LDB3: variants seen among roughly 807,000 people sequenced by gnomAD.
LDB3 encodes LIM domain binding 3, also known as LIM domain-binding protein 3.
Under a neutral mutation model 69.0 loss-of-function variants are expected in LDB3, and 49 were observed. The observed-to-expected ratio is 0.71, with a 90% CI of 0.56 to 0.90. The LOEUF is 0.90. Ranked by LOEUF, LDB3 falls within the 40% of genes least tolerant of loss-of-function variation. LDB3 has a pLI of 0.00. For synonymous variants in LDB3, 387 were observed against 396.2 expected (o/e 0.98, Z 0.28); for missense variants, 928 against 974.1 (o/e 0.95, Z 0.63).
At position 86,732,905 on chromosome 10, in the gene LDB3, G is replaced by T; in HGVS notation, c.2113G>T (p.Glu705Ter). 1.2e-6 allele frequency: 2 copies of T among 1,613,816 alleles called. No individual in the cohort carries two copies. The highest frequency in any genetic ancestry group is 1.7e-6 in the Non-Finnish European group (2 of 1,179,874). The change falls in exon 14 of 14, where the codon GAG (glutamate) becomes TAG (stop). Residue 705 changes from glutamate to a stop codon, truncating the protein, a stop_gained. Coordinates refer to ENST00000361373, the MANE Select transcript of LDB3 (RefSeq NM_007078.3). LOFTEE classifies it high-confidence loss of function. Reference protein sequence around the residue: ...FICAVCHVNLEGQPFYSKKDR... With the variant: ...FICAVCHVNL ...GCTCCAGGTCTGCCATGTGAATCTG[G>T]AGGGGCAGCCGTTCTACTCCAAGAA...
intron 12 of LDB3, 52 bp downstream of exon 12, chr10:86,718,899 G>C (rs1297595493): frequency 6.2e-7 from 1 of 1,610,916 alleles, no homozygotes; most frequent in East Asian, 2.2e-5. Flanking sequence ...GGGAGAAAGG[G>C]GCAGGCACAG....
At chr10:86,683,768 C>T (rs947243213) in intron 5 of LDB3, among the ~76,000 whole-genome samples, 12 of 152,202 alleles carry the variant, frequency 7.9e-5, no homozygotes, top group African/African-American at 2.9e-4. Context: ...GGGCTGAGGC[C>T]ACCACCTATG....
chr10:86,703,210 AG>A (rs1470375065), intron 7 of LDB3, among the ~76,000 whole-genome samples: 1 of 152,200 alleles, frequency 6.6e-6, no homozygotes, highest in East Asian at 1.9e-4. Context: ...AGTGTGGTGT[AG>A]GGCCATGGAG....
chr10:86,668,714 C>A lies in LDB3; in HGVS notation c.23C>A (p.Thr8Asn), dbSNP rs1060501317. Residue 8 changes from threonine to asparagine, a missense_variant, in exon 2 of 14, where the codon ACT becomes AAT. Transcript: ENST00000361373. Reference protein sequence around the residue: MSYSVTLTGPGPWGFRLQ... With the variant: MSYSVTLNGPGPWGFRLQ... Reference sequence around the variant, plus strand: ...AGCATGTCTTACAGTGTGACCCTGACTGGGCCCGGGCCCTGGGGCTTCCGT... The same window carrying A: ...AGCATGTCTTACAGTGTGACCCTGAATGGGCCCGGGCCCTGGGGCTTCCGT... The A allele has an allele frequency of 6.2e-7, 1 of 1,613,434 alleles. No homozygotes were observed. The highest frequency in any genetic ancestry group is 1.7e-5 in the Admixed American group (1 of 60,022).
At chr10:86,703,450 G>A (rs576377788) in intron 7 of LDB3, among the ~76,000 whole-genome samples, 2 of 152,372 alleles carry the variant, frequency 1.3e-5, no homozygotes, top group South Asian at 4.1e-4. Context: ...TGCAAGCTGG[G>A]CTGCCCAAGA....
Position 86,679,410 on chromosome 10 carries a change from G to A in LDB3, c.137G>A (p.Gly46Asp). ...SKAAQSQLSQ[G>D]DLVVAIDGVN... ...GCAGCCCAGTCCCAGCTCAGCCAGG[G>A]TGACCTCGTGGTGGCCATTGACGGC... Residue 46 changes from glycine (G) to aspartate (D), a missense_variant, in exon 3 of 14, where the codon GGT becomes GAT. Coordinates refer to ENST00000361373, the MANE Select transcript of LDB3 (RefSeq NM_007078.3). The A allele has an allele frequency of 6.2e-7, 1 of 1,614,162 alleles. No individual in the cohort carries two copies. The highest frequency in any genetic ancestry group is 1.6e-4 in the Middle Eastern group (1 of 6,062).
At chr10:86,712,095 G>A (rs898972294) in intron 9 of LDB3, among the ~76,000 whole-genome samples, 11 of 152,102 alleles carry the variant, frequency 7.2e-5, no homozygotes, top group Non-Finnish European at 1.5e-4. Flanking sequence ...TGAGGGCTGC[G>A]AAGCGCCACT....
In LDB3 at chr10:86,733,434, T is replaced by G. The variant is rs1221907207; in HGVS notation, c.*458T>G. ...TGCAGGGTATTTTTAGAGTCATAGC[T>G]GAGAGCTTGTTAGCTAAGACCCATT... On this transcript the variant is annotated 3_prime_UTR_variant, in exon 14 of 14. Coordinates refer to ENST00000361373, the MANE Select transcript of LDB3 (RefSeq NM_007078.3). 2 of 211,884 alleles carry G rather than the reference T, an allele frequency of 9.4e-6. No homozygotes were observed. The highest frequency in any genetic ancestry group is 1.9e-5 in the Non-Finnish European group (2 of 105,078). The allele number at this position is 211,884 out of a possible 1,614,324, so 13.1% of individuals were successfully genotyped here.
chr10:86,691,981 G>A lies in LDB3; in HGVS notation c.775G>A (p.Glu259Lys). 1 of 1,614,200 alleles carries A rather than the reference G, an allele frequency of 6.2e-7. No homozygotes were observed. Among genetic ancestry groups the A allele is most frequent in the Non-Finnish European group, 8.5e-7 (1 of 1,180,048 alleles). Residue 259 changes from glutamate to lysine, a missense_variant, in exon 6 of 14, where the codon GAG becomes AAG. Transcript: ENST00000361373. ...VIKSQNKPED[E>K]ADEWARRSSN... Reference sequence around the variant, plus strand: ...TAAGAGCCAGAACAAGCCAGAAGATGAGGCTGACGAGTGGGCACGCCGTTC... The same window carrying A: ...TAAGAGCCAGAACAAGCCAGAAGATAAGGCTGACGAGTGGGCACGCCGTTC...
At chr10:86,691,775 G>A in intron 5 of LDB3, 121 bp from the exon 6 acceptor site, 1 of 1,155,896 alleles carries the variant, frequency 8.7e-7, no homozygotes, top group South Asian at 1.2e-5. Context: ...AGACAGCAAT[G>A]GATAAAGGCA....
At chr10:86,692,349 C>T (rs1845806019) in intron 6 of LDB3, among the ~76,000 whole-genome samples, 186 bp from the exon 7 acceptor site, 1 of 152,230 alleles carries the variant, frequency 6.6e-6, no homozygotes, top group Non-Finnish European at 1.5e-5. Flanking sequence ...GAGGCCCTCT[C>T]AGGCTACCCC....
chr10:86,721,185 C>T (rs1202326472), intron 12 of LDB3, among the ~76,000 whole-genome samples: 1 of 152,202 alleles, frequency 6.6e-6, no homozygotes, highest in Non-Finnish European at 1.5e-5. Flanking sequence ...GTTACAAACC[C>T]ATTAACAGAG....
chr10:86,712,503 A>G (rs1033778195), intron 9 of LDB3, among the ~76,000 whole-genome samples: 5 of 152,114 alleles, frequency 3.3e-5, no homozygotes. Flanking sequence ...CGTTTCGGCT[A>G]AGCAGTTCAC....
chr10:86,719,002 C>A (rs1386344554), intron 12 of LDB3, among the ~76,000 whole-genome samples, 155 bp downstream of exon 12: 2 of 152,134 alleles, frequency 1.3e-5, no homozygotes, highest in African/African-American at 4.8e-5. Context: ...ATGGCAGAAT[C>A]ATGCTAATAT....
rs1313780167 is a variant in LDB3, at chr10:86,699,413, TC to T, written c.896+6845del. 16 of 1,612,546 alleles carry T rather than the reference TC, an allele frequency of 9.9e-6. No individual in the cohort carries two copies. Among genetic ancestry groups the T allele is most frequent in the Non-Finnish European group, 1.3e-5 (15 of 1,179,598 alleles). On this transcript the variant is annotated intron_variant, in intron 7 of 13. Transcript: ENST00000361373. This position sits in a 1 kb window ranked among gnomAD's most constrained non-coding sequence, Gnocchi z 4.9. ...ATCCCCCCACCCCAACAGGCTGGAC[TC>T]CCTCCATCCTTACCCCCACACAGAT...
At chr10:86,696,586 C>T (rs1846009209) in intron 7 of LDB3, among the ~76,000 whole-genome samples, 1 of 152,208 alleles carries the variant, frequency 6.6e-6, no homozygotes, top group South Asian at 2.1e-4. Context: ...CTGTCCCTGT[C>T]ACTAAGCACT....
intron 5 of LDB3, among the ~76,000 whole-genome samples, chr10:86,686,162 G>C (rs1845457327): frequency 6.6e-6 from 1 of 152,188 alleles, no homozygotes; most frequent in Admixed American, 6.5e-5. Context: ...TCAGCAAACT[G>C]GACTTGAGGG....
intron 5 of LDB3, 84 bp from the exon 6 acceptor site, chr10:86,691,812 C>A: frequency 6.7e-7 from 1 of 1,487,292 alleles, no homozygotes; most frequent in Non-Finnish European, 9.4e-7. Context: ...ATAGGGGCCA[C>A]CAATGGGCAT....
chr10:86,719,667 T>C (rs1847005892), intron 12 of LDB3, among the ~76,000 whole-genome samples: 1 of 152,122 alleles, frequency 6.6e-6, no homozygotes, highest in Admixed American at 6.5e-5. Context: ...GCATCAAATA[T>C]GCGAGACCCC....
Sources: gnomAD v4.1 joint callset for allele counts (sites outside exome capture counted in the v4.1 genomes callset) on GRCh38, gnomAD v4.1.1 for gene constraint, Gnocchi (gnomAD v3.1) non-coding constraint, MANE v1.5 for transcripts, NCBI Gene and HGNC (gene_info 2026-07-23, HGNC 2026-07-21) for gene names.